The following XPO4 variants were observed in gnomAD, a reference collection of about 807,000 sequenced individuals.
XPO4 encodes the protein exportin 4.
In XPO4, 39 loss-of-function variants were observed where a neutral mutation model predicts 143.0. That is an observed-to-expected ratio of 0.27 (90% CI 0.21 to 0.36). XPO4 has a LOEUF of 0.36. Among genes scored for constraint, XPO4 ranks in the 10% least tolerant of loss-of-function variants. The pLI is 1.00. For synonymous variants in XPO4, 439 were observed against 474.0 expected (o/e 0.93, Z 0.96); for missense variants, 907 against 1,348.0 (o/e 0.67, Z 5.12).
rs765864844 is a variant in XPO4, at chr13:20,809,186, T to G, written c.1390A>C (p.Ser464Arg). 1 of 1,614,138 alleles carries G rather than the reference T, an allele frequency of 6.2e-7. No individual in the cohort carries two copies. The highest frequency in any genetic ancestry group is 8.5e-7 in the Non-Finnish European group (1 of 1,180,002). Residue 464 changes from serine to arginine, a missense_variant, in exon 11 of 23, where the codon AGT becomes CGT. By Grantham distance (110) the Ser-to-Arg change is moderately radical. Transcript: ENST00000255305. ...GVASREEEEI[S>R]ELQEDDRDQF... The stretch of plus-strand genomic sequence containing the variant: ...TCTCGATCATCCTCTTGAAGTTCAC[T>G]TATTTCTTCCTCCTCACGAGAGGCC...
intron 9 of XPO4, among the ~76,000 whole-genome samples, chr13:20,818,286 T>G (rs577303487): frequency 2.6e-4 from 39 of 152,222 alleles, no homozygotes; most frequent in Non-Finnish European, 4.7e-4. Context: ...ACACAGACTC[T>G]CAGTTAACTG....
intron 1 of XPO4, among the ~76,000 whole-genome samples, chr13:20,882,786 C>A (rs2060424696): frequency 6.6e-6 from 1 of 151,688 alleles, no homozygotes; most frequent in Admixed American, 6.6e-5. Flanking sequence ...ACTCCAGAGT[C>A]TGAGGCAAGA....
intron 3 of XPO4, among the ~76,000 whole-genome samples, chr13:20,861,067 T>C (rs1467566477): frequency 1.3e-5 from 2 of 152,204 alleles, no homozygotes; most frequent in African/African-American, 4.8e-5. Flanking sequence ...ATTAAAATTT[T>C]ATGTGTATGT....
At chr13:20,880,724 A>C (rs545569153) in intron 1 of XPO4, among the ~76,000 whole-genome samples, 1 of 152,284 alleles carries the variant, frequency 6.6e-6, no homozygotes, top group Non-Finnish European at 1.5e-5. Flanking sequence ...TGGGAGGCTG[A>C]GGTGGGTGGA....
intron 2 of XPO4, 50 bp downstream of exon 2, chr13:20,868,546 C>A: frequency 6.3e-7 from 1 of 1,583,876 alleles, no homozygotes. Flanking sequence ...GACAGCAAAC[C>A]CAGATCTGAT....
intron 9 of XPO4, among the ~76,000 whole-genome samples, chr13:20,821,449 A>C (rs2059718911): frequency 6.6e-6 from 1 of 152,146 alleles, no homozygotes; most frequent in Admixed American, 6.5e-5. Context: ...ATTTCATTCC[A>C]TCTCTTATAT....
chr13:20,808,388 A>T (rs1754347222), intron 12 of XPO4, 48 bp downstream of exon 12: 1 of 1,477,334 alleles, frequency 6.8e-7, no homozygotes, highest in Admixed American at 1.9e-5. Flanking sequence ...TTTAAGGCTT[A>T]AATTGCTCAG....
At position 20,778,603 on chromosome 13, in the gene XPO4, GATAAA is replaced by G. The variant is rs2059107126; in HGVS notation, c.*5114_*5118del. On this transcript the variant is annotated 3_prime_UTR_variant, in exon 23 of 23. Transcript: ENST00000255305. Reference sequence around the variant, plus strand: ...AACTGTTTCTAAGACTGTGGGCTGAGATAAATATTATAAAATATAGACAAAATTTT... The same window carrying G: ...AACTGTTTCTAAGACTGTGGGCTGAGTATTATAAAATATAGACAAAATTTT... 5 of 152,116 alleles carry G rather than the reference GATAAA, an allele frequency of 3.3e-5. No homozygotes were observed. Among genetic ancestry groups the G allele is most frequent in the Admixed American group, 6.5e-5 (1 of 15,280 alleles). 9.4% of individuals were successfully genotyped at this position (152,116 alleles called of 1,614,324 possible). A position where few individuals can be genotyped will look rare whatever the true frequency, so the allele number is the denominator to read the frequency against.
chr13:20,794,532 G>C (rs1457310474), intron 18 of XPO4, among the ~76,000 whole-genome samples: 1 of 152,114 alleles, frequency 6.6e-6, no homozygotes, highest in Non-Finnish European at 1.5e-5. Flanking sequence ...ATGTATAGAA[G>C]AGTTTCCAGG....
At chr13:20,869,541 AATTAT>A in intron 1 of XPO4, 4 of 907,894 alleles carry the variant, frequency 4.4e-6, no homozygotes, top group Non-Finnish European at 4.0e-6. Flanking sequence ...TCATAATTTC[AATTAT>A]ATTAAATAAT....
At chr13:20,902,591 A>T in intron 1 of XPO4, 79 bp downstream of exon 1, 1 of 1,427,566 alleles carries the variant, frequency 7.0e-7, no homozygotes, top group South Asian at 1.5e-5. Flanking sequence ...TCGCCAGCCC[A>T]GCGAGCAGCA....
intron 6 of XPO4, among the ~76,000 whole-genome samples, chr13:20,830,518 T>A (rs2059839752): frequency 6.6e-6 from 1 of 152,086 alleles, no homozygotes. Context: ...TTATATACCA[T>A]AATAAAAATG....
intron 9 of XPO4, among the ~76,000 whole-genome samples, chr13:20,811,529 C>T (rs1198788800): frequency 1.3e-5 from 2 of 152,050 alleles, no homozygotes; most frequent in African/African-American, 2.4e-5. Context: ...CTCAAGGGAT[C>T]CTCCTGCCTC....
intron 4 of XPO4, chr13:20,848,092 T>C (rs2060045573): frequency 5.3e-6 from 2 of 378,920 alleles, no homozygotes; most frequent in African/African-American, 2.2e-5. Flanking sequence ...GTCTGCTTCA[T>C]AGCTTTTCTC....
chr13:20,863,504 A>G (rs2060219587), intron 2 of XPO4, among the ~76,000 whole-genome samples: 1 of 152,230 alleles, frequency 6.6e-6, no homozygotes, highest in Admixed American at 6.5e-5. Context: ...ACCCAGCCTT[A>G]GCTAGCAAGT....
At chr13:20,889,388 G>A (rs1444763021) in intron 1 of XPO4, among the ~76,000 whole-genome samples, 2 of 152,014 alleles carry the variant, frequency 1.3e-5, no homozygotes, top group African/African-American at 4.8e-5. Flanking sequence ...AGATGATGAT[G>A]TTATATCAGT....
chr13:20,866,248 C>A (rs763092411), intron 2 of XPO4: 345 of 984,870 alleles, frequency 3.5e-4, no homozygotes, highest in Non-Finnish European at 4.0e-4. Context: ...ACACCACACA[C>A]ACACACAGAA....
At chr13:20,895,143 A>C (rs184535377) in intron 1 of XPO4, among the ~76,000 whole-genome samples, 137 of 152,284 alleles carry the variant, frequency 9.0e-4, no homozygotes, top group Middle Eastern at 3.4e-3. Flanking sequence ...GCGCCACTGC[A>C]CTCCAGCCTA....
intron 4 of XPO4, among the ~76,000 whole-genome samples, chr13:20,844,142 G>C (rs1460973389): frequency 6.6e-6 from 1 of 152,102 alleles, no homozygotes; most frequent in Admixed American, 6.5e-5. Context: ...TTGAACTCAG[G>C]ACACACTGTT....
Sources: allele counts gnomAD v4.1 joint callset (sites outside exome capture counted in the v4.1 genomes callset), GRCh38; gene constraint gnomAD v4.1.1; transcripts MANE v1.5; gene names NCBI Gene and HGNC (gene_info 2026-07-23, HGNC 2026-07-21).